PLVAP: variants seen among roughly 807,000 people sequenced by gnomAD.
The protein encoded by PLVAP is plasmalemma vesicle associated protein.
PLVAP carries 34 observed loss-of-function variants against 43.1 expected under a neutral mutation model. The observed-to-expected ratio is 0.79, with a 90% CI of 0.60 to 1.05. The LOEUF (loss-of-function observed/expected upper bound fraction) is 1.05. Ranked by LOEUF, PLVAP falls within the 50% of genes least tolerant of loss-of-function variation. PLVAP has a pLI of 0.00. For synonymous variants in PLVAP, 241 were observed against 237.3 expected, an observed-to-expected ratio of 1.02 and a Z score of -0.14; for missense variants, 574 against 593.4, an observed-to-expected ratio of 0.97 and a Z score of 0.34.
Position 17,360,798 on chromosome 19 carries a change from C to A in PLVAP, c.1214G>T (p.Gly405Val). The stretch of plus-strand genomic sequence containing the variant: ...GATGGGCTGGGGGTTGGGGACAGGG[C>A]CCATGGGCCTTGACACTGGCATCAT... ...QPMMPVSRPMGPVPNPQPIDP... is the reference protein window; with the variant it reads ...QPMMPVSRPMVPVPNPQPIDP... Residue 405 changes from glycine (G) to valine (V), a missense_variant, in exon 4 of 6, where the codon GGC becomes GTC. Coordinates refer to ENST00000252590, the MANE Select transcript of PLVAP (RefSeq NM_031310.3). The A allele has an allele frequency of 6.2e-7, 1 of 1,614,004 alleles. No individual in the cohort carries two copies. Among genetic ancestry groups the A allele is most frequent in the Non-Finnish European group, 8.5e-7 (1 of 1,179,900 alleles).
chr19:17,365,471 G>C lies in PLVAP; in HGVS notation c.994C>G (p.Arg332Gly), dbSNP rs763208613. Residue 332 changes from arginine (R) to glycine (G), a missense_variant, in exon 3 of 6, where the codon CGG becomes GGG. By Grantham distance (125) the Arg-to-Gly change is moderately radical. Coordinates refer to ENST00000252590, the MANE Select transcript of PLVAP (RefSeq NM_031310.3). ...CATTCAGCTTGGAGCTTGGCCTCCC[G>C]GGCCTGAGCCTCCTTCTCCACCTTC... ...KQKVEKEAQAREAKLQAECSR... is the reference protein window; with the variant it reads ...KQKVEKEAQAGEAKLQAECSR... 12 of 1,612,618 alleles carry C rather than the reference G, an allele frequency of 7.4e-6. No individual in the cohort carries two copies. The highest frequency in any genetic ancestry group is 3.3e-5 in the South Asian group (3 of 91,090).
intron 1 of PLVAP, among the ~76,000 whole-genome samples, chr19:17,376,670 T>C (rs985705671): frequency 6.6e-6 from 1 of 150,960 alleles, no homozygotes; most frequent in Admixed American, 6.6e-5. Context: ...TGATGGCACA[T>C]GCCTGTAATC....
At chr19:17,354,792 G>T (rs2074499845) in intron 5 of PLVAP, among the ~76,000 whole-genome samples, 1 of 151,498 alleles carries the variant, frequency 6.6e-6, no homozygotes, top group African/African-American at 2.4e-5. Context: ...CAGCTACTCA[G>T]GAGGCTGAGG....
intron 1 of PLVAP, among the ~76,000 whole-genome samples, chr19:17,371,155 A>C (rs1175152584): frequency 6.6e-6 from 1 of 151,590 alleles, no homozygotes; most frequent in Non-Finnish European, 1.5e-5. Context: ...GTTTTTAAAA[A>C]TTATTTATTA....
Position 17,351,942 on chromosome 19 carries a change from G to C in PLVAP, c.*420C>G, listed in dbSNP as rs1312464231. ...TGTGTGATGCCATCGCCGCGTCTGT[G>C]TGACATTAATATGTGTGACGTCGAC... On this transcript the variant is annotated 3_prime_UTR_variant, in exon 6 of 6. Transcript: ENST00000252590. The C allele has an allele frequency of 4.0e-6, 1 of 251,066 alleles. No homozygotes were observed. The highest frequency in any genetic ancestry group is 2.2e-5 in the African/African-American group (1 of 45,272). The allele number at this position is 251,066 out of a possible 1,614,324, so 15.6% of individuals were successfully genotyped here.
At chr19:17,363,782 A>G (rs12463187) in intron 3 of PLVAP, among the ~76,000 whole-genome samples, 67,424 of 142,154 alleles carry the variant, frequency 0.47, 15,820 homozygotes, top group East Asian at 0.55. Context: ...TTGCTCTGTC[A>G]CCCAGGCTGG....
intron 1 of PLVAP, among the ~76,000 whole-genome samples, chr19:17,366,810 G>T (rs999445583): frequency 1.3e-4 from 20 of 149,910 alleles, no homozygotes; most frequent in Admixed American, 2.0e-4. Flanking sequence ...TTGTTTTTTT[G>T]TTTTTGGTAG....
At chr19:17,370,274 C>T (rs1203351295) in intron 1 of PLVAP, among the ~76,000 whole-genome samples, 1 of 152,056 alleles carries the variant, frequency 6.6e-6, no homozygotes, top group Admixed American at 6.6e-5. Flanking sequence ...ACCACGTGAC[C>T]CAGAAACTCT....
chr19:17,366,224 G>A (rs1424976841), intron 1 of PLVAP, 29 bp from the exon 2 acceptor site: 2 of 1,610,220 alleles, frequency 1.2e-6, no homozygotes, highest in Non-Finnish European at 1.7e-6. Flanking sequence ...AAGGACGCAG[G>A]ACAGAGCTTA....
chr19:17,358,573 A>G (rs7252581), intron 5 of PLVAP, among the ~76,000 whole-genome samples: 92,041 of 151,870 alleles, frequency 0.61, 29,003 homozygotes, highest in African/African-American at 0.79. Context: ...AGCACAGGCT[A>G]TTCTTGGGGC....
intron 3 of PLVAP, 87 bp from the exon 4 acceptor site, chr19:17,360,919 T>TC: frequency 8.4e-7 from 1 of 1,193,098 alleles, no homozygotes; most frequent in Non-Finnish European, 1.2e-6. Flanking sequence ...TTTTTCTTTT[T>TC]TTTTTTTTTT....
chr19:17,355,681 C>T (rs1370544525), intron 5 of PLVAP, among the ~76,000 whole-genome samples: 11 of 151,960 alleles, frequency 7.2e-5, no homozygotes, highest in African/African-American at 2.4e-4. Context: ...ATTACAGGCA[C>T]ACTCCACCAT....
chr19:17,358,492 G>A (rs1436522438), intron 5 of PLVAP, among the ~76,000 whole-genome samples: 1 of 152,116 alleles, frequency 6.6e-6, no homozygotes. Flanking sequence ...CCTGAGCCTC[G>A]GGTCCTAAAC....
At position 17,365,804 on chromosome 19, in the gene PLVAP, C is replaced by T. The variant is rs771233221; in HGVS notation, c.661G>A (p.Val221Met). 1 of 1,614,116 alleles carries T rather than the reference C, an allele frequency of 6.2e-7. No individual in the cohort carries two copies. The highest frequency in any genetic ancestry group is 8.5e-7 in the Non-Finnish European group (1 of 1,180,020). ...RQLAKEQLQK[V>M]QALCLPLDKD... The stretch of plus-strand genomic sequence containing the variant: ...TCCAGGGGCAGGCAGAGGGCTTGCA[C>T]CTTTTGCAGTTGCTCCTTGGCCAGC... The change falls in exon 3 of 6, where the codon GTG becomes ATG. Residue 221 changes from valine (V) to methionine (M), a missense_variant. By Grantham distance (21) the Val-to-Met change is conservative. Coordinates refer to ENST00000252590, the MANE Select transcript of PLVAP (RefSeq NM_031310.3).
At chr19:17,375,037 G>T (rs903519381) in intron 1 of PLVAP, among the ~76,000 whole-genome samples, 1 of 152,078 alleles carries the variant, frequency 6.6e-6, no homozygotes, top group African/African-American at 2.4e-5. Flanking sequence ...GGCCAGGCTG[G>T]TCTCAAATTT....
chr19:17,360,559 G>T lies in PLVAP; in HGVS notation c.1291C>A (p.Pro431Thr), dbSNP rs753171734. 2 of 1,613,992 alleles carry T rather than the reference G, an allele frequency of 1.2e-6. No individual in the cohort carries two copies. Among genetic ancestry groups the T allele is most frequent in the East Asian group, 2.2e-5 (1 of 44,880 alleles). Residue 431 changes from proline to threonine, a missense_variant, in exon 5 of 6, where the codon CCC becomes ACC. Coordinates refer to ENST00000252590, the MANE Select transcript of PLVAP (RefSeq NM_031310.3). ...GGGGCTACAGGGATGCCTGCAGGGG[G>T]CCTCTGGGACTCCAGGATCTTCCTC... is the stretch of plus-strand genomic sequence containing the variant. Reference protein sequence around the residue: ...FKRKILESQRPPAGIPVAPSS... With the variant: ...FKRKILESQRTPAGIPVAPSS...
rs1568378697 is a variant in PLVAP at position 17,377,229 on chromosome 19, GC to G, written c.59del (p.Gly20AlafsTer35). The part of the protein sequence containing the change: ...SYARAGGSSR[G>X]CWYYLRYFFL... The stretch of plus-strand genomic sequence containing the variant: ...AGAAGTAGCGCAGGTAATACCAGCA[GC>G]CCCGAGAGCTGCCCCCCGCCCGAGC... On this transcript the variant is annotated frameshift_variant, in exon 1 of 6. Coordinates refer to ENST00000252590, the MANE Select transcript of PLVAP (RefSeq NM_031310.3). LOFTEE classifies it high-confidence loss of function. 1 of 1,614,142 alleles carries G rather than the reference GC, an allele frequency of 6.2e-7. No homozygotes were observed. The highest frequency in any genetic ancestry group is 1.1e-5 in the South Asian group (1 of 91,078).
chr19:17,353,775 C>T (rs180914327), intron 5 of PLVAP, among the ~76,000 whole-genome samples: 2 of 152,242 alleles, frequency 1.3e-5, no homozygotes, highest in African/African-American at 4.8e-5. Flanking sequence ...TTGAGTGACC[C>T]GTTCATCTAA....
At chr19:17,361,304 G>A (rs1475103678) in intron 3 of PLVAP, among the ~76,000 whole-genome samples, 1 of 152,104 alleles carries the variant, frequency 6.6e-6, no homozygotes, top group Non-Finnish European at 1.5e-5. Context: ...AGACATACAT[G>A]GTCATGAACA....
Sources: allele counts gnomAD v4.1 joint callset (sites outside exome capture counted in the v4.1 genomes callset), GRCh38; gene constraint gnomAD v4.1.1; transcripts MANE v1.5; gene names NCBI Gene and HGNC (gene_info 2026-07-23, HGNC 2026-07-21).